The following HERC1 variants were observed in gnomAD, a reference collection of about 807,000 sequenced individuals.
The protein encoded by HERC1 is probable E3 ubiquitin-protein ligase HERC1.
A neutral mutation model predicts 554.3 loss-of-function variants in HERC1; 160 were observed. The ratio of observed to expected loss-of-function variants is 0.29; its 90% CI spans 0.25 to 0.33. HERC1 has a LOEUF of 0.33. Among genes scored for constraint, HERC1 ranks in the 10% least tolerant of loss-of-function variants. HERC1 has a pLI of 1.00. For synonymous variants in HERC1, 2,175 were observed against 2,131.7 expected (o/e 1.02, Z -0.56); for missense variants, 4,919 against 5,918.5 (o/e 0.83, Z 5.54).
rs551636516 is a variant in HERC1, at chr15:63,615,778, A to G, written c.14084T>C (p.Met4695Thr). 7 of 1,593,352 alleles carry G rather than the reference A, an allele frequency of 4.4e-6. No individual in the cohort carries two copies. In the East Asian group the frequency reaches 1.4e-4, roughly 31 times the overall value. The change falls in exon 76 of 78, where the codon ATG (methionine) becomes ACG (threonine). Residue 4695 changes from methionine to threonine, a missense_variant. By Grantham distance (81) the Met-to-Thr change is moderately conservative (BLOSUM62 -1). Coordinates refer to ENST00000443617, the MANE Select transcript of HERC1 (RefSeq NM_003922.4). ...GATGTTTCATCTCACCTGTCTGTCC[A>G]TCTCATGAAGTCGATATTCAATGGC... ...ERAIEYRLHE[M>T]DRQVAAVREG...
At position 63,689,129 on chromosome 15, in the gene HERC1, G is replaced by A. The variant is rs202095127; in HGVS notation, c.6048+460C>T. 1.2e-4 allele frequency among the ~76,000 whole-genome samples: 19 copies of A among 152,300 alleles called. No homozygotes were observed. In the East Asian group the frequency reaches 1.7e-3, roughly 14 times the overall value. Reference sequence around the variant, plus strand: ...GAATCAGGATTGGCAGAGAATATACGGAGATCCGGGAGAAAGCGTTTTGAA... The same window carrying A: ...GAATCAGGATTGGCAGAGAATATACAGAGATCCGGGAGAAAGCGTTTTGAA... On this transcript the variant is annotated intron_variant, in intron 33 of 77. Transcript: ENST00000443617.
chr15:63,815,691 A>G (rs2077468872), intron 1 of HERC1, among the ~76,000 whole-genome samples: 1 of 152,192 alleles, frequency 6.6e-6, no homozygotes, highest in East Asian at 1.9e-4. Flanking sequence ...ATGGTTGGAT[A>G]TATTTTTTTT....
At chr15:63,744,476 T>C (rs1308000451) in intron 12 of HERC1, among the ~76,000 whole-genome samples, 1 of 152,176 alleles carries the variant, frequency 6.6e-6, no homozygotes, top group Non-Finnish European at 1.5e-5. Context: ...AGGTGCCATC[T>C]GGGAGTCAGG....
rs778919470 is a variant in HERC1, at chr15:63,749,408, T to A, written c.2178A>T (p.Gly726=). ...CAGTCCATGCCAGACTATGTGATGTTCCAGCCGAAATCTGCTGAATAGCTA... is the reference window on the plus strand; with the variant it reads ...CAGTCCATGCCAGACTATGTGATGTACCAGCCGAAATCTGCTGAATAGCTA... The part of the protein sequence containing the change: ...DGIAIQQISA[G]TSHSLAWTAL... Residue 726 remains glycine, a synonymous_variant, in exon 10 of 78, where the codon GGA becomes GGT. Coordinates refer to ENST00000443617, the MANE Select transcript of HERC1 (RefSeq NM_003922.4). This position sits in a 1 kb window ranked among gnomAD's most constrained non-coding sequence, Gnocchi z 4.1. 48 of 1,613,610 alleles carry A rather than the reference T, an allele frequency of 3.0e-5. No homozygotes were observed. The South Asian group carries it at 5.2e-4, about 17-fold the overall frequency.
At chr15:63,643,291 G>T in intron 58 of HERC1, 113 bp downstream of exon 58, 1 of 963,936 alleles carries the variant, frequency 1.0e-6, no homozygotes, top group Non-Finnish European at 1.5e-6. Flanking sequence ...AGTTTCCTCA[G>T]TATTCAAGAG....
chr15:63,678,382 AG>A lies in HERC1; in HGVS notation c.6550-18del. The A allele has an allele frequency of 6.4e-7, 1 of 1,560,422 alleles. No individual in the cohort carries two copies. Among genetic ancestry groups the A allele is most frequent in the Admixed American group, 2.0e-5 (1 of 49,088 alleles). On this transcript the variant is annotated intron_variant, in intron 36 of 77. Transcript: ENST00000443617. ...AATTTTCACCTATATAAAAGTAAAGAGGGTGGAAAACACATGCTATTAGTAG... is the reference window on the plus strand; with the variant it reads ...AATTTTCACCTATATAAAAGTAAAGAGGTGGAAAACACATGCTATTAGTAG...
At position 63,790,565 on chromosome 15, in the gene HERC1, A is replaced by G. The variant is rs905182666; in HGVS notation, c.-26-14916T>C. Among the ~76,000 whole-genome samples, 6 of 151,964 alleles carry G rather than the reference A, an allele frequency of 3.9e-5. No individual in the cohort carries two copies. The East Asian group carries it at 9.6e-4, about 24-fold the overall frequency. ...TGCACTCCAGCCTGGGCGACACAGC[A>G]AGACTCCGTCTCAAAAAAAAATTTT... On this transcript the variant is annotated intron_variant, in intron 1 of 77. Transcript: ENST00000443617.
At chr15:63,818,257 A>G (rs543475013) in intron 1 of HERC1, among the ~76,000 whole-genome samples, 6 of 152,314 alleles carry the variant, frequency 3.9e-5, no homozygotes, top group African/African-American at 9.6e-5. Flanking sequence ...TTCTAGTCCT[A>G]TGGGCCTATG....
Position 63,758,157 on chromosome 15 carries a change from G to T in HERC1, c.1221+18C>A. ...CACCAGATTATCTACCAGTTTGTAAGCTATTTAGAAAACTTACGGTCTGTG... is the reference window on the plus strand; with the variant it reads ...CACCAGATTATCTACCAGTTTGTAATCTATTTAGAAAACTTACGGTCTGTG... On this transcript the variant is annotated intron_variant, in intron 4 of 77. Coordinates refer to ENST00000443617, the MANE Select transcript of HERC1 (RefSeq NM_003922.4). The surrounding 1 kb of genome is among the most constrained non-coding windows in gnomAD (Gnocchi z 4.0). 1 of 1,564,088 alleles carries T rather than the reference G, an allele frequency of 6.4e-7. No individual in the cohort carries two copies. Among genetic ancestry groups the T allele is most frequent in the South Asian group, 1.1e-5 (1 of 87,930 alleles).
intron 1 of HERC1, among the ~76,000 whole-genome samples, chr15:63,829,561 G>GTGTATATATA (rs1220043639): frequency 1.2e-5 from 1 of 81,730 alleles, no homozygotes. Flanking sequence ...GTGTGTGTGT[G>GTGTATATATA]TATATATATA....
intron 71 of HERC1, 144 bp from the exon 72 acceptor site, chr15:63,624,471 C>T (rs371871759): frequency 5.2e-5 from 35 of 669,568 alleles, no homozygotes; most frequent in East Asian, 1.9e-4. Context: ...CTGTGGTGGG[C>T]GGATCGCTTG....
chr15:63,646,293 C>A (rs1001522666), intron 55 of HERC1, among the ~76,000 whole-genome samples: 1 of 152,116 alleles, frequency 6.6e-6, no homozygotes, highest in African/African-American at 2.4e-5. Context: ...TCTGACATTA[C>A]TGGGAGCATT....
chr15:63,622,992 A>C (rs2068152841), intron 73 of HERC1, 101 bp from the exon 74 acceptor site: 1 of 673,820 alleles, frequency 1.5e-6, no homozygotes, highest in African/African-American at 1.9e-5. Context: ...ATTTTGAGGA[A>C]TTTATAATGC....
At chr15:63,628,316 G>A (rs1171459905) in intron 70 of HERC1, among the ~76,000 whole-genome samples, 1 of 152,110 alleles carries the variant, frequency 6.6e-6, no homozygotes, top group Non-Finnish European at 1.5e-5. Context: ...TTTGAACCTG[G>A]GAGGCGGAGG....
chr15:63,712,320 C>A (rs913973558), intron 24 of HERC1, among the ~76,000 whole-genome samples: 1 of 152,050 alleles, frequency 6.6e-6, no homozygotes, highest in Non-Finnish European at 1.5e-5. Context: ...GACACACTAA[C>A]GGTAAAATTT....
chr15:63,633,473 A>C (rs898453041), intron 67 of HERC1, among the ~76,000 whole-genome samples: 1 of 152,158 alleles, frequency 6.6e-6, no homozygotes, highest in Non-Finnish European at 1.5e-5. Context: ...GTGTTAATTC[A>C]GTGGTAATAA....
At chr15:63,704,807 C>T (rs1295329941) in intron 25 of HERC1, among the ~76,000 whole-genome samples, 3 of 144,302 alleles carry the variant, frequency 2.1e-5, no homozygotes, top group Non-Finnish European at 4.5e-5. Flanking sequence ...GGTGCGATCT[C>T]GGCTCACTGC....
intron 1 of HERC1, among the ~76,000 whole-genome samples, chr15:63,781,066 T>C (rs2076274522): frequency 6.6e-6 from 1 of 152,158 alleles, no homozygotes; most frequent in Admixed American, 6.5e-5. Context: ...AAGTATCATC[T>C]GTTAGGTAAT....
At chr15:63,722,614 T>G (rs1445429972) in intron 19 of HERC1, among the ~76,000 whole-genome samples, 1 of 152,220 alleles carries the variant, frequency 6.6e-6, no homozygotes, top group Non-Finnish European at 1.5e-5. Context: ...GTAACCCTCT[T>G]GGTTTTATGA....
Sources: gnomAD v4.1 joint callset for allele counts (sites outside exome capture counted in the v4.1 genomes callset) on GRCh38, gnomAD v4.1.1 for gene constraint, Gnocchi (gnomAD v3.1) non-coding constraint, MANE v1.5 for transcripts, NCBI Gene and HGNC (gene_info 2026-07-23, HGNC 2026-07-21) for gene names.